The following ERC2 variants were observed in gnomAD, a reference collection of about 807,000 sequenced individuals.
The protein encoded by ERC2 is ERC protein 2.
In ERC2, 42 loss-of-function variants were observed where a neutral mutation model predicts 114.8. The observed-to-expected ratio is 0.37, with a 90% CI of 0.29 to 0.47. The LOEUF is 0.47. ERC2 is among the 20% of genes least tolerant of loss of function. The pLI is 0.99. For missense variants in ERC2, 939 were observed against 1,150.7 expected (o/e 0.82, Z 2.66); for synonymous variants, 454 against 425.5 (o/e 1.07, Z -0.82).
At chr3:55,871,539 A>C (rs1419671574) in intron 14 of ERC2, among the ~76,000 whole-genome samples, 2 of 152,202 alleles carry the variant, frequency 1.3e-5, no homozygotes, top group Non-Finnish European at 2.9e-5. Context: ...TCAAGTTCAC[A>C]CTCTGAAAGT....
chr3:56,260,949 C>G (rs1307242621), intron 3 of ERC2, among the ~76,000 whole-genome samples: 1 of 152,214 alleles, frequency 6.6e-6, no homozygotes, highest in African/African-American at 2.4e-5. Context: ...TCCTTGTCCA[C>G]TCTATTGGTA....
At chr3:55,798,686 G>A (rs1459102935) in intron 14 of ERC2, among the ~76,000 whole-genome samples, 10 of 151,916 alleles carry the variant, frequency 6.6e-5, no homozygotes, top group Admixed American at 6.6e-4. Context: ...AGCAACAGTG[G>A]AAGCCAGACA....
At chr3:55,656,039 C>T (rs1021248782) in intron 17 of ERC2, among the ~76,000 whole-genome samples, 6 of 152,208 alleles carry the variant, frequency 3.9e-5, no homozygotes, top group Non-Finnish European at 7.3e-5. Flanking sequence ...GGTGTTCTTT[C>T]TGTCTGCAAA....
intron 6 of ERC2, among the ~76,000 whole-genome samples, chr3:56,086,725 C>T (rs974018230): frequency 3.9e-5 from 6 of 152,020 alleles, no homozygotes; most frequent in African/African-American, 1.4e-4. Context: ...TATCTAGTTC[C>T]AAATTAGGTA....
intron 6 of ERC2, among the ~76,000 whole-genome samples, chr3:56,084,597 T>C (rs1375347857): frequency 6.6e-6 from 1 of 152,062 alleles, no homozygotes; most frequent in Non-Finnish European, 1.5e-5. Flanking sequence ...GTGAAGTAAC[T>C]CAGGAATGGA....
rs565693246 is a variant in ERC2 at position 55,556,688 on chromosome 3, G to A, written c.*40-45412C>T. Among the ~76,000 whole-genome samples the A allele has an allele frequency of 5.3e-5, 8 of 152,274 alleles. No individual in the cohort carries two copies. In the South Asian group the frequency reaches 1.5e-3, roughly 28 times the overall value. ...GAGCCTGAGGAGGTAACCAACACAC[G>A]CAGGACAGGAGAGACTCAGGGTGGA... On this transcript the variant is annotated intron_variant, in intron 17 of 17. Coordinates refer to ENST00000288221, the MANE Select transcript of ERC2 (RefSeq NM_015576.3).
At chr3:55,843,252 T>C (rs183357158) in intron 14 of ERC2, among the ~76,000 whole-genome samples, 3 of 152,230 alleles carry the variant, frequency 2.0e-5, no homozygotes, top group African/African-American at 4.8e-5. Context: ...TAGAGGGAGC[T>C]GGAAGAGCCA....
Position 55,748,138 on chromosome 3 carries a change from G to A in ERC2, c.2565-13220C>T, listed in dbSNP as rs373626272. 2.7e-4 allele frequency among the ~76,000 whole-genome samples: 41 copies of A among 152,344 alleles called. 1 individual carries two copies. In the South Asian group the frequency reaches 8.3e-3, roughly 31 times the overall value. Reference sequence around the variant, plus strand: ...AAGCAGTCTCAGATTTACAGGATGGGTGGCCTTGTGGCTCACAGAAGTGAA... The same window carrying A: ...AAGCAGTCTCAGATTTACAGGATGGATGGCCTTGTGGCTCACAGAAGTGAA... On this transcript the variant is annotated intron_variant, in intron 14 of 17. Coordinates refer to ENST00000288221, the MANE Select transcript of ERC2 (RefSeq NM_015576.3).
chr3:55,789,087 C>T (rs1447990975), intron 14 of ERC2, among the ~76,000 whole-genome samples: 3 of 152,132 alleles, frequency 2.0e-5, no homozygotes, highest in Non-Finnish European at 2.9e-5. Flanking sequence ...TCATCTTTGT[C>T]GTCGTGTTAC....
At chr3:56,073,954 A>C (rs1326943320) in intron 7 of ERC2, among the ~76,000 whole-genome samples, 1 of 152,164 alleles carries the variant, frequency 6.6e-6, no homozygotes, top group African/African-American at 2.4e-5. Context: ...AACTTATCAT[A>C]TTTTTAAATA....
chr3:55,557,936 A>AAAGG (rs1185376386), intron 17 of ERC2, among the ~76,000 whole-genome samples: 1 of 152,258 alleles, frequency 6.6e-6, no homozygotes, highest in Non-Finnish European at 1.5e-5. Flanking sequence ...GGAGTTAAAG[A>AAAGG]CAAGGGTTCC....
intron 7 of ERC2, among the ~76,000 whole-genome samples, chr3:56,046,176 A>C (rs1039029151): frequency 6.6e-6 from 1 of 152,184 alleles, no homozygotes; most frequent in South Asian, 2.1e-4. Context: ...AGTCTGGAAA[A>C]TAATAGTTAC....
At chr3:55,908,289 C>A (rs1403368362) in intron 13 of ERC2, among the ~76,000 whole-genome samples, 1 of 152,154 alleles carries the variant, frequency 6.6e-6, no homozygotes, top group Non-Finnish European at 1.5e-5. Flanking sequence ...GAACTACACA[C>A]ATTATAGGCC....
intron 17 of ERC2, among the ~76,000 whole-genome samples, chr3:55,562,811 A>C (rs943108190): frequency 6.6e-6 from 1 of 152,116 alleles, no homozygotes; most frequent in Non-Finnish European, 1.5e-5. Context: ...CCTGTGTTTA[A>C]ATTTTTTTGT....
intron 2 of ERC2, among the ~76,000 whole-genome samples, chr3:56,369,680 CTT>C (rs564407366): frequency 7.6e-5 from 11 of 144,500 alleles, no homozygotes; most frequent in East Asian, 4.0e-4. Context: ...CTGGATACTA[CTT>C]TTTTTTTTTT....
At chr3:56,359,040 G>C (rs2058848983) in intron 2 of ERC2, among the ~76,000 whole-genome samples, 1 of 152,240 alleles carries the variant, frequency 6.6e-6, no homozygotes, top group Admixed American at 6.5e-5. Flanking sequence ...GGCTAACTCA[G>C]TTGACAGAAA....
At chr3:55,800,823 T>G (rs115247248) in intron 14 of ERC2, among the ~76,000 whole-genome samples, 2 of 152,154 alleles carry the variant, frequency 1.3e-5, no homozygotes, top group Admixed American at 1.3e-4. Flanking sequence ...TAGCAGGAGA[T>G]AGATGTAGGA....
At chr3:55,883,933 C>A (rs1253554171) in intron 14 of ERC2, among the ~76,000 whole-genome samples, 1 of 149,432 alleles carries the variant, frequency 6.7e-6, no homozygotes, top group East Asian at 1.9e-4. Flanking sequence ...AACAACACCA[C>A]AAAACTGGAG....
At chr3:56,427,662 C>T (rs1214607510) in intron 2 of ERC2, among the ~76,000 whole-genome samples, 1 of 152,050 alleles carries the variant, frequency 6.6e-6, no homozygotes, top group African/African-American at 2.4e-5. Context: ...GCAGACACAG[C>T]CACCCACAGA....
Sources: allele counts gnomAD v4.1 joint callset (sites outside exome capture counted in the v4.1 genomes callset), GRCh38; gene constraint gnomAD v4.1.1; transcripts MANE v1.5; gene names NCBI Gene and HGNC (gene_info 2026-07-23, HGNC 2026-07-21).